The following ZHX2 variants were observed in gnomAD, a reference collection of about 807,000 sequenced individuals.
ZHX2 encodes zinc fingers and homeoboxes protein 2.
A neutral mutation model predicts 21.9 loss-of-function variants in ZHX2; 6 were observed. The ratio of observed to expected loss-of-function variants is 0.27; its 90% CI spans 0.15 to 0.54. The LOEUF (loss-of-function observed/expected upper bound fraction) is 0.54, where lower values mean the gene tolerates loss of function less well. ZHX2 is among the 20% of genes least tolerant of loss of function. The pLI, the probability that ZHX2 is intolerant of heterozygous loss-of-function variation, is 0.95. For missense variants in ZHX2, 908 were observed against 1,090.7 expected (o/e 0.83, Z 2.36); for synonymous variants, 434 against 437.1 (o/e 0.99, Z 0.09).
intron 1 of ZHX2, among the ~76,000 whole-genome samples, chr8:122,814,704 G>A (rs1817996570): frequency 2.0e-5 from 3 of 152,196 alleles, no homozygotes; most frequent in Non-Finnish European, 2.9e-5. Context: ...GTATTGGGGT[G>A]TCTGGCACCC....
chr8:122,924,356 C>T (rs1820805084), intron 2 of ZHX2, among the ~76,000 whole-genome samples: 1 of 152,204 alleles, frequency 6.6e-6, no homozygotes, highest in Admixed American at 6.5e-5. Flanking sequence ...ACCCGAGTTT[C>T]CCCTTTTCAT....
chr8:122,818,818 A>G (rs190195581), intron 1 of ZHX2, among the ~76,000 whole-genome samples: 274 of 152,258 alleles, frequency 1.8e-3, no homozygotes, highest in African/African-American at 6.3e-3. Context: ...CCAGTCCCAT[A>G]TTTGTCACAG....
intron 2 of ZHX2, among the ~76,000 whole-genome samples, chr8:122,933,084 G>A (rs181882821): frequency 6.6e-6 from 1 of 152,254 alleles, no homozygotes; most frequent in Admixed American, 6.5e-5. Flanking sequence ...CCTGGAGGCG[G>A]GGATGGAGGG....
At chr8:122,928,174 C>T (rs1227724452) in intron 2 of ZHX2, among the ~76,000 whole-genome samples, 1 of 152,156 alleles carries the variant, frequency 6.6e-6, no homozygotes, top group African/African-American at 2.4e-5. Flanking sequence ...CCACTCCCAC[C>T]AGGACAGAAG....
At chr8:122,861,459 A>G (rs1819165223) in intron 1 of ZHX2, among the ~76,000 whole-genome samples, 1 of 152,228 alleles carries the variant, frequency 6.6e-6, no homozygotes, top group South Asian at 2.1e-4. Flanking sequence ...TCTAGTTTAC[A>G]TTGAGAAAAG....
chr8:122,961,949 G>A lies in ZHX2; in HGVS notation c.*4+7921G>A, dbSNP rs546422834. ...GGCCCCCTGCTTCTTGCCTTTCCAAGTTGACCTTTTCTGTTGGGGCCCCAC... is the reference window on the plus strand; with the variant it reads ...GGCCCCCTGCTTCTTGCCTTTCCAAATTGACCTTTTCTGTTGGGGCCCCAC... On this transcript the variant is annotated intron_variant, in intron 3 of 3. Transcript: ENST00000314393. 6.5e-4 allele frequency among the ~76,000 whole-genome samples: 99 copies of A among 152,288 alleles called. 2 individuals are homozygous for A. In the South Asian group the frequency reaches 0.021, roughly 32 times the overall value.
intron 1 of ZHX2, among the ~76,000 whole-genome samples, chr8:122,796,628 T>C (rs1293330562): frequency 6.6e-6 from 1 of 152,208 alleles, no homozygotes; most frequent in African/African-American, 2.4e-5. Flanking sequence ...GGAAACGCTG[T>C]CCTGAAAATA....
At chr8:122,824,526 C>A (rs1011866319) in intron 1 of ZHX2, among the ~76,000 whole-genome samples, 3 of 152,192 alleles carry the variant, frequency 2.0e-5, no homozygotes, top group Non-Finnish European at 2.9e-5. Flanking sequence ...GTGCCTGTTC[C>A]CCTCTTCCAT....
rs142992402 is a variant in ZHX2, at chr8:122,829,655, G to T, written c.-282-33822G>T. 4.7e-4 allele frequency among the ~76,000 whole-genome samples: 72 copies of T among 152,270 alleles called. 1 individual carries two copies. Among genetic ancestry groups the T allele is most frequent in the African/African-American group, 1.7e-3 (69 of 41,550 alleles). ...CCCACCTTCAAGTGCTGAGGAACAG[G>T]GTAGAGACCAAATACACAAGCAAGT... On this transcript the variant is annotated intron_variant, in intron 1 of 3. Coordinates refer to ENST00000314393, the MANE Select transcript of ZHX2 (RefSeq NM_014943.5).
intron 2 of ZHX2, among the ~76,000 whole-genome samples, chr8:122,934,967 C>T (rs1460472743): frequency 2.0e-5 from 3 of 152,194 alleles, no homozygotes; most frequent in African/African-American, 7.2e-5. Flanking sequence ...GGATTACAGG[C>T]GTGAGCCACC....
chr8:122,926,574 G>A (rs539098890), intron 2 of ZHX2, among the ~76,000 whole-genome samples: 1 of 152,202 alleles, frequency 6.6e-6, no homozygotes, highest in African/African-American at 2.4e-5. Context: ...TCGCTGTCAG[G>A]TGGCGAGTGC....
chr8:122,849,376 C>A (rs1586324001), intron 1 of ZHX2, among the ~76,000 whole-genome samples: 4 of 152,282 alleles, frequency 2.6e-5, no homozygotes, highest in African/African-American at 7.2e-5. Flanking sequence ...GTATTAGTTT[C>A]CTGGGGTTGC....
intron 2 of ZHX2, among the ~76,000 whole-genome samples, chr8:122,915,963 C>T (rs570620324): frequency 6.5e-4 from 99 of 152,330 alleles, no homozygotes; most frequent in African/African-American, 2.4e-3. Context: ...TCTTCCTCCC[C>T]CTTCCTGCAG....
Position 122,973,635 on chromosome 8 carries a change from GCTTTTCT to G in ZHX2, c.*411_*417del, listed in dbSNP as rs2130396389. The G allele has an allele frequency of 6.6e-6, 1 of 152,424 alleles. No individual in the cohort carries two copies. The highest frequency in any genetic ancestry group is 1.9e-4 in the East Asian group (1 of 5,170). 9.4% of individuals were successfully genotyped at this position (152,424 alleles called of 1,614,324 possible). On this transcript the variant is annotated 3_prime_UTR_variant, in exon 4 of 4. Transcript: ENST00000314393. Reference sequence around the variant, plus strand: ...TTCAGGAGGGAGGGCTAACCACCTTGCTTTTCTCTTTTCTCTTTTTCTTTTTTTTATT... The same window carrying G: ...TTCAGGAGGGAGGGCTAACCACCTTGCTTTTCTCTTTTTCTTTTTTTTATT...
chr8:122,821,147 G>A (rs1018975008), intron 1 of ZHX2, among the ~76,000 whole-genome samples: 1 of 152,246 alleles, frequency 6.6e-6, no homozygotes, highest in African/African-American at 2.4e-5. Flanking sequence ...GATTCTGGAG[G>A]AGGGGTGCGC....
At chr8:122,893,608 T>C (rs982675806) in intron 2 of ZHX2, among the ~76,000 whole-genome samples, 6 of 152,166 alleles carry the variant, frequency 3.9e-5, no homozygotes, top group African/African-American at 1.2e-4. Flanking sequence ...TAGTCTATTG[T>C]TGAGGCTTTC....
At chr8:122,818,787 C>T (rs1324503954) in intron 1 of ZHX2, among the ~76,000 whole-genome samples, 2 of 152,228 alleles carry the variant, frequency 1.3e-5, no homozygotes, top group Non-Finnish European at 2.9e-5. Context: ...ACTCCTGCTG[C>T]TGCTTTTCCC....
chr8:122,846,908 G>T (rs1178058618), intron 1 of ZHX2, among the ~76,000 whole-genome samples: 1 of 152,076 alleles, frequency 6.6e-6, no homozygotes, highest in Non-Finnish European at 1.5e-5. Flanking sequence ...TATTTGAGAG[G>T]CCAAGGAACG....
Position 122,953,057 on chromosome 8 carries a change from C to T in ZHX2, c.1547C>T (p.Ser516Phe). 1.2e-6 allele frequency: 2 copies of T among 1,614,088 alleles called. No homozygotes were observed. Among genetic ancestry groups the T allele is most frequent in the Non-Finnish European group, 1.7e-6 (2 of 1,180,038 alleles). Residue 516 changes from serine to phenylalanine, a missense_variant, in exon 3 of 4, where the codon TCC becomes TTC. By Grantham distance (155) the Ser-to-Phe change is radical. Coordinates refer to ENST00000314393, the MANE Select transcript of ZHX2 (RefSeq NM_014943.5). The surrounding 1 kb of genome is among the most constrained non-coding windows in gnomAD (Gnocchi z 4.6). ...AAAGACCAGTTGGCCATCGCGGCCT[C>T]CCGACACGGTCGCACGTATCATGCG... is the stretch of plus-strand genomic sequence containing the variant. ...LAKDQLAIAA[S>F]RHGRTYHAYP...
Sources: allele counts gnomAD v4.1 joint callset (sites outside exome capture counted in the v4.1 genomes callset), GRCh38; gene constraint gnomAD v4.1.1; non-coding constraint Gnocchi (gnomAD v3.1); transcripts MANE v1.5; gene names NCBI Gene and HGNC (gene_info 2026-07-23, HGNC 2026-07-21).